Variants in PHF2 observed in about 807,000 individuals in gnomAD.
PHF2 encodes the protein PHD finger protein 2, also known as lysine-specific demethylase PHF2.
A neutral mutation model predicts 120.5 loss-of-function variants in PHF2; 27 were observed. The observed-to-expected ratio is 0.22, with a 90% CI of 0.17 to 0.31. The LOEUF (loss-of-function observed/expected upper bound fraction) is 0.31, where lower values mean the gene tolerates loss of function less well. Ranked by LOEUF, PHF2 falls within the 10% of genes least tolerant of loss-of-function variation. The pLI is 1.00. For synonymous variants in PHF2, 568 were observed against 592.5 expected (o/e 0.96, Z 0.60); for missense variants, 1,024 against 1,434.8 (o/e 0.71, Z 4.63).
intron 1 of PHF2, among the ~76,000 whole-genome samples, chr9:93,585,436 A>G (rs1000850): frequency 0.35 from 53,359 of 152,220 alleles, 9,961 homozygotes; most frequent in South Asian, 0.63. Context: ...CAGCAAGCAC[A>G]GTTATGGAGC....
chr9:93,672,824 G>A (rs1826831557), intron 17 of PHF2: 1 of 983,652 alleles, frequency 1.0e-6, no homozygotes, highest in African/African-American at 1.8e-5. Flanking sequence ...GGGTGTAGGT[G>A]TAGGAACAGG....
chr9:93,660,685 G>A (rs1184405084), intron 12 of PHF2, 125 bp downstream of exon 12: 2 of 896,176 alleles, frequency 2.2e-6, no homozygotes, highest in Non-Finnish European at 3.2e-6. Flanking sequence ...CTGAGAAGAT[G>A]TGGGGGTCTG....
intron 16 of PHF2, 33 bp from the exon 17 acceptor site, chr9:93,667,047 C>T (rs1184374669): frequency 6.3e-7 from 1 of 1,589,142 alleles, no homozygotes; most frequent in South Asian, 1.1e-5. Flanking sequence ...GCCAGACCCT[C>T]CCCTGACCGA....
At chr9:93,642,858 A>G (rs1826192430) in intron 3 of PHF2, among the ~76,000 whole-genome samples, 1 of 152,200 alleles carries the variant, frequency 6.6e-6, no homozygotes, top group South Asian at 2.1e-4. Flanking sequence ...TCTACTGTTT[A>G]GTGCATCCAT....
chr9:93,622,129 T>C (rs1825836198), intron 1 of PHF2, among the ~76,000 whole-genome samples: 1 of 152,260 alleles, frequency 6.6e-6, no homozygotes, highest in Middle Eastern at 3.4e-3. Context: ...CCCTGCTATA[T>C]CACAGGGAGG....
intron 1 of PHF2, among the ~76,000 whole-genome samples, chr9:93,583,725 C>G (rs78792144): frequency 2.0e-5 from 3 of 152,082 alleles, no homozygotes; most frequent in Admixed American, 1.3e-4. Context: ...AATGTCTACT[C>G]AAGGCCTTTG....
At chr9:93,579,064 G>T (rs960842135) in intron 1 of PHF2, among the ~76,000 whole-genome samples, 1 of 152,206 alleles carries the variant, frequency 6.6e-6, no homozygotes, top group African/African-American at 2.4e-5. Flanking sequence ...GTGTGTGATG[G>T]GGAGGACAGC....
chr9:93,659,701 G>A, intron 11 of PHF2, 101 bp downstream of exon 11: 1 of 1,082,456 alleles, frequency 9.2e-7, no homozygotes, highest in Non-Finnish European at 1.4e-6. Context: ...GAGCTGCCAG[G>A]TCTGGGAAGG....
intron 1 of PHF2, among the ~76,000 whole-genome samples, chr9:93,586,013 C>T (rs775195206): frequency 6.6e-5 from 10 of 152,238 alleles, no homozygotes; most frequent in Non-Finnish European, 1.2e-4. Context: ...GGTTTAGGCC[C>T]ATTTCCCTGA....
At position 93,596,264 on chromosome 9, in the gene PHF2, C is replaced by T. The variant is rs147819210; in HGVS notation, c.98+19393C>T. 4.1e-3 allele frequency among the ~76,000 whole-genome samples: 626 copies of T among 152,298 alleles called. 3 individuals carry two copies. Among genetic ancestry groups the T allele is most frequent in the African/African-American group, 0.014 (585 of 41,560 alleles). On this transcript the variant is annotated intron_variant, in intron 1 of 21. Coordinates refer to ENST00000359246, the MANE Select transcript of PHF2 (RefSeq NM_005392.4). The stretch of plus-strand genomic sequence containing the variant: ...CACGAGTGGAGGGCAAGCTGCATGT[C>T]ACCTGGATGGCAGCTGGAGGAGTGG...
chr9:93,663,070 G>T, intron 13 of PHF2, 44 bp downstream of exon 13: 1 of 1,612,044 alleles, frequency 6.2e-7, no homozygotes, highest in South Asian at 1.1e-5. Flanking sequence ...GTGTCAGCTT[G>T]GTGAGTGTGA....
chr9:93,639,681 A>G (rs2131666507), intron 3 of PHF2, among the ~76,000 whole-genome samples: 1 of 152,188 alleles, frequency 6.6e-6, no homozygotes, highest in Middle Eastern at 3.4e-3. Flanking sequence ...CCCAAGGGAG[A>G]GCTTCAGTTT....
intron 6 of PHF2, among the ~76,000 whole-genome samples, chr9:93,653,904 G>C (rs80198318): frequency 0.062 from 9,384 of 152,246 alleles, 401 homozygotes; most frequent in Non-Finnish European, 0.089. Context: ...GGGGCGGGCA[G>C]GTGCACATGC....
At chr9:93,644,049 C>T (rs1157490051) in intron 3 of PHF2, among the ~76,000 whole-genome samples, 1 of 152,112 alleles carries the variant, frequency 6.6e-6, no homozygotes, top group Non-Finnish European at 1.5e-5. Flanking sequence ...ACTGTCCGCA[C>T]AGCAATGGAC....
Position 93,665,677 on chromosome 9 carries a change from C to T in PHF2, c.1938-9C>T, listed in dbSNP as rs749910545. 1 of 1,612,968 alleles carries T rather than the reference C, an allele frequency of 6.2e-7. No homozygotes were observed. The highest frequency in any genetic ancestry group is 8.5e-7 in the Non-Finnish European group (1 of 1,179,670). On this transcript the variant is annotated splice_polypyrimidine_tract_variant and intron_variant, in intron 14 of 21. Coordinates refer to ENST00000359246, the MANE Select transcript of PHF2 (RefSeq NM_005392.4). The stretch of plus-strand genomic sequence containing the variant: ...GTGGATGCTGCTGACCCACTCGCTT[C>T]TGCCCTAGCTCCAAGGCTCTCAGGC...
At chr9:93,616,968 A>T (rs962308072) in intron 1 of PHF2, among the ~76,000 whole-genome samples, 5 of 152,010 alleles carry the variant, frequency 3.3e-5, no homozygotes, top group East Asian at 1.9e-4. Context: ...TTTTTTTTTT[A>T]AATGTCAAAA....
At chr9:93,608,398 G>GTTTTTTTTTTTTT (rs35097935) in intron 1 of PHF2, among the ~76,000 whole-genome samples, 1 of 142,690 alleles carries the variant, frequency 7.0e-6, no homozygotes, top group Non-Finnish European at 1.5e-5. Flanking sequence ...TTGATTGGTA[G>GTTTTTTTTTTTTT]TTTTTTTTTT....
rs1441450211 is a variant in PHF2, at chr9:93,636,514, G to T, written c.288G>T (p.Arg96=). The change falls in exon 3 of 22, where the codon CGG becomes CGT. Residue 96 remains arginine, a synonymous_variant. Transcript: ENST00000359246. ...SQLFIKELRS[R]TFPSAEDVVA... is the part of the protein sequence containing the mutation. ...TCTTCATCAAGGAGCTGCGGAGCCG[G>T]ACCTTTCCCAGGTGGGCTGGCCTTC... 1.3e-6 allele frequency: 2 copies of T among 1,590,236 alleles called. No homozygotes were observed. Among genetic ancestry groups the T allele is most frequent in the Non-Finnish European group, 1.7e-6 (2 of 1,168,678 alleles).
chr9:93,578,198 A>G (rs1273894560), intron 1 of PHF2, among the ~76,000 whole-genome samples: 1 of 151,842 alleles, frequency 6.6e-6, no homozygotes. Flanking sequence ...CCTGAGTCCT[A>G]CCTCCCTGCT....
Sources: allele counts gnomAD v4.1 joint callset (sites outside exome capture counted in the v4.1 genomes callset), GRCh38; gene constraint gnomAD v4.1.1; transcripts MANE v1.5; gene names NCBI Gene and HGNC (gene_info 2026-07-23, HGNC 2026-07-21).